Variants in MAX observed in about 807,000 individuals in gnomAD.
The protein encoded by MAX is MYC associated transcriptional regulator X, also known as protein max.
In MAX, 3 loss-of-function variants were observed where a neutral mutation model predicts 22.3. The observed-to-expected ratio is 0.13, with a 90% CI of 0.06 to 0.35. MAX has a LOEUF of 0.35. MAX is among the 10% of genes least tolerant of loss of function. The probability of loss-of-function intolerance (pLI) is 1.00; values close to 1 mark genes in which losing one functional copy is unlikely to be tolerated. For missense variants in MAX, 119 were observed against 209.4 expected, an observed-to-expected ratio of 0.57 and a Z score of 2.66; for synonymous variants, 72 against 77.7, an observed-to-expected ratio of 0.93 and a Z score of 0.39.
chr14:65,100,404 A>C (rs191706742), intron 2 of MAX, among the ~76,000 whole-genome samples: 1 of 152,240 alleles, frequency 6.6e-6, no homozygotes, highest in African/African-American at 2.4e-5. Flanking sequence ...AAGCCGAGAT[A>C]GCGCCATTGC....
chr14:65,086,753 T>C (rs893371988), intron 3 of MAX, among the ~76,000 whole-genome samples: 1 of 152,014 alleles, frequency 6.6e-6, no homozygotes, highest in Non-Finnish European at 1.5e-5. Flanking sequence ...GAAAAGAAAA[T>C]CCCATTTTCT....
chr14:65,039,763 C>T (rs1452477864), intron 3 of MAX, among the ~76,000 whole-genome samples: 1 of 152,130 alleles, frequency 6.6e-6, no homozygotes, highest in East Asian at 1.9e-4. Context: ...TTTAAGAAGC[C>T]ATCACCACCT....
At chr14:65,041,063 A>T in intron 3 of MAX, 1 of 1,373,198 alleles carries the variant, frequency 7.3e-7, no homozygotes, top group Non-Finnish European at 9.7e-7. Flanking sequence ...AGGAGTGAGC[A>T]GCTGCTCTGT....
intron 3 of MAX, among the ~76,000 whole-genome samples, chr14:65,037,427 TTTTTTTTTTTTTTTTTTTTG>T: frequency 3.5e-5 from 4 of 115,802 alleles, no homozygotes; most frequent in African/African-American, 7.1e-5. Flanking sequence ...TTTTTTTTTT[TTTTTTTTTTTTTTTTTTTTG>T]AGACGTCTCT....
At chr14:65,081,259 A>C (rs937417758) in intron 3 of MAX, among the ~76,000 whole-genome samples, 1 of 152,260 alleles carries the variant, frequency 6.6e-6, no homozygotes, top group African/African-American at 2.4e-5. Context: ...CAGGGTACCC[A>C]ACAAGAATTA....
Position 65,027,329 on chromosome 14 carries a change from A to G in MAX, c.172-21045T>C. 6.9e-7 allele frequency: 1 copy of G among 1,448,624 alleles called. No individual in the cohort carries two copies. Among genetic ancestry groups the G allele is most frequent in the South Asian group, 1.3e-5 (1 of 76,526 alleles). The allele number at this position is 1,448,624 out of a possible 1,614,324, so 89.7% of individuals were successfully genotyped here. A position where few individuals can be genotyped will look rare whatever the true frequency, so the allele number is the denominator to read the frequency against. On this transcript the variant is annotated intron_variant, in intron 3 of 3. Transcript: ENST00000341653. This position sits in a 1 kb window ranked among gnomAD's most constrained non-coding sequence, Gnocchi z 5.7. ...GAGGTTATATTCAACAAGTGGGAGG[A>G]GAGGTTCCCCTCAACTTTTGAGGGA...
chr14:65,051,864 A>G (rs577945788), intron 3 of MAX, among the ~76,000 whole-genome samples: 6 of 148,328 alleles, frequency 4.0e-5, no homozygotes, highest in Admixed American at 2.7e-4. Context: ...GTGTGATCTC[A>G]GCTCACTGCA....
chr14:65,066,525 C>T (rs886823664), intron 3 of MAX, among the ~76,000 whole-genome samples: 1 of 152,136 alleles, frequency 6.6e-6, no homozygotes, highest in Non-Finnish European at 1.5e-5. Context: ...CCCTCTGCTC[C>T]CCCTGAGGAA....
chr14:65,102,156 G>T, intron 1 of MAX, 148 bp downstream of exon 1: 1 of 1,440,586 alleles, frequency 6.9e-7, no homozygotes, highest in Non-Finnish European at 9.4e-7. Flanking sequence ...GAGCGAACCG[G>T]GAACGCGACG....
downstream of MAX, among the ~76,000 whole-genome samples, chr14:65,072,039 T>C (rs1245082903): frequency 2.0e-5 from 3 of 152,188 alleles, no homozygotes; most frequent in African/African-American, 7.2e-5. Context: ...TATCTAGCAG[T>C]GTAGACATTG....
chr14:65,021,185 G>C (rs1250083643), intron 3 of MAX, among the ~76,000 whole-genome samples: 3 of 152,170 alleles, frequency 2.0e-5, no homozygotes, highest in African/African-American at 7.2e-5. Flanking sequence ...CTTTGTTACT[G>C]AAAGCAGCTT....
rs1189182766 is a variant in MAX at position 65,011,919 on chromosome 14, G to A, written c.172-5635C>T. On this transcript the variant is annotated intron_variant, in intron 3 of 3. Coordinates refer to the MAX transcript ENST00000341653. The surrounding 1 kb of genome is among the most constrained non-coding windows in gnomAD (Gnocchi z 4.0). ...AAATGACAGCGGCTGAGGCAGGGAAGTGGCGAGGCTCAGATTTAAATTGCT... is the reference window on the plus strand; with the variant it reads ...AAATGACAGCGGCTGAGGCAGGGAAATGGCGAGGCTCAGATTTAAATTGCT... 2.6e-5 allele frequency among the ~76,000 whole-genome samples: 4 copies of A among 152,212 alleles called. No homozygotes were observed. The highest frequency in any genetic ancestry group is 4.4e-5 in the Non-Finnish European group (3 of 68,040).
chr14:65,083,426 C>T (rs1242446430), intron 3 of MAX, among the ~76,000 whole-genome samples: 3 of 152,192 alleles, frequency 2.0e-5, no homozygotes, highest in Non-Finnish European at 4.4e-5. Flanking sequence ...CAATGTAAGG[C>T]AAGAGTTCCA....
intron 3 of MAX, among the ~76,000 whole-genome samples, chr14:65,055,293 T>C (rs983463043): frequency 6.6e-6 from 1 of 152,198 alleles, no homozygotes; most frequent in African/African-American, 2.4e-5. Context: ...GCTCTGAGCC[T>C]AGACGTGAGC....
intron 3 of MAX, among the ~76,000 whole-genome samples, chr14:65,063,406 CAAG>C (rs1438858107): frequency 6.6e-6 from 1 of 152,026 alleles, no homozygotes; most frequent in African/African-American, 2.4e-5. Flanking sequence ...GGCTTTTTAC[CAAG>C]AAGGAGGGAT....
In MAX at chr14:65,084,897, G is replaced by A. The variant is rs900455813; in HGVS notation, c.172-6861C>T. Among the ~76,000 whole-genome samples the A allele has an allele frequency of 6.6e-6, 1 of 151,986 alleles. No individual in the cohort carries two copies. The highest frequency in any genetic ancestry group is 2.4e-5 in the African/African-American group (1 of 41,380). On this transcript the variant is annotated intron_variant, in intron 3 of 4. Transcript: ENST00000358664. The surrounding 1 kb of genome is among the most constrained non-coding windows in gnomAD (Gnocchi z 4.3). ...TGGATTGAACAATAGCAGCTTTTGGGGAGAAAAAAAGGAGGCAGGTTTCTT... is the reference window on the plus strand; with the variant it reads ...TGGATTGAACAATAGCAGCTTTTGGAGAGAAAAAAAGGAGGCAGGTTTCTT...
chr14:65,008,988 A>T (rs1487394457), intron 3 of MAX, among the ~76,000 whole-genome samples: 2 of 151,972 alleles, frequency 1.3e-5, no homozygotes, highest in Non-Finnish European at 2.9e-5. Context: ...CCTGCATCCC[A>T]CCCTGCACCC....
In MAX at chr14:65,053,819, C is replaced by CT. The variant is rs2062668780; in HGVS notation, c.171+39888dup. ...TCCTCTCACCTTTGTTACCCACCCT[C>CT]TGTCTTCCCCCATCCCAGCACACGT... On this transcript the variant is annotated intron_variant, in intron 3 of 3. Coordinates refer to the MAX transcript ENST00000341653. Among the ~76,000 whole-genome samples, 2 of 152,188 alleles carry CT rather than the reference C, an allele frequency of 1.3e-5. 1 individual carries two copies. Among genetic ancestry groups the CT allele is most frequent in the South Asian group, 4.1e-4 (2 of 4,834 alleles).
intron 3 of MAX, among the ~76,000 whole-genome samples, chr14:65,040,347 C>G (rs1161352318): frequency 6.7e-6 from 1 of 149,100 alleles, no homozygotes; most frequent in East Asian, 2.0e-4. Context: ...GATTTTATAA[C>G]TTTTTCCCAA....
Sources: gnomAD v4.1 joint callset for allele counts (sites outside exome capture counted in the v4.1 genomes callset) on GRCh38, gnomAD v4.1.1 for gene constraint, Gnocchi (gnomAD v3.1) non-coding constraint, MANE v1.5 for transcripts, NCBI Gene and HGNC (gene_info 2026-07-23, HGNC 2026-07-21) for gene names.